The following KIAA0513 variants were observed in gnomAD, a reference collection of about 807,000 sequenced individuals.
KIAA0513 encodes the protein KIAA0513.
A neutral mutation model predicts 56.5 loss-of-function variants in KIAA0513; 39 were observed. The observed-to-expected ratio is 0.69, with a 90% CI of 0.53 to 0.90. The LOEUF is 0.90. KIAA0513 is among the 40% of genes least tolerant of loss of function. The probability of loss-of-function intolerance (pLI) is 0.00; values close to 1 mark genes in which losing one functional copy is unlikely to be tolerated. For synonymous variants in KIAA0513, 268 were observed against 215.6 expected (o/e 1.24, Z -2.13); for missense variants, 591 against 535.2 (o/e 1.10, Z -1.03).
chr16:85,040,835 C>T (rs2073095785), intron 1 of KIAA0513, among the ~76,000 whole-genome samples: 1 of 152,164 alleles, frequency 6.6e-6, no homozygotes, highest in Non-Finnish European at 1.5e-5. Context: ...GAAGCGTGTG[C>T]CTTGAGAACT....
Position 85,088,226 on chromosome 16 carries a change from G to A in KIAA0513, c.1187-50G>A, listed in dbSNP as rs1410458460. On this transcript the variant is annotated intron_variant, in intron 12 of 12. Coordinates refer to ENST00000683363, the MANE Select transcript of KIAA0513 (RefSeq NM_001388359.1). ...CGAGTGACAAGAGCAGGATATACCT[G>A]TCCCTGTCACTGTCTTTCATCTGAG... The A allele has an allele frequency of 9.6e-6, 15 of 1,558,120 alleles. No homozygotes were observed. The Admixed American group carries it at 2.5e-4, about 26-fold the overall frequency.
intron 1 of KIAA0513, among the ~76,000 whole-genome samples, chr16:85,044,440 C>T (rs757623830): frequency 3.1e-4 from 47 of 152,142 alleles, no homozygotes; most frequent in Admixed American, 4.6e-4. Flanking sequence ...GAAGTGAGGT[C>T]CCTGCTGTTC....
chr16:85,072,830 A>G (rs1425092391), intron 3 of KIAA0513, 95 bp from the exon 4 acceptor site: 8 of 1,236,708 alleles, frequency 6.5e-6, no homozygotes, highest in East Asian at 2.3e-5. Context: ...TCCCAGCTGC[A>G]TTTGGAAACA....
chr16:85,037,430 T>G (rs1224275410), intron 1 of KIAA0513, among the ~76,000 whole-genome samples: 1 of 152,062 alleles, frequency 6.6e-6, no homozygotes, highest in Non-Finnish European at 1.5e-5. Context: ...GGAAGCCTCA[T>G]GAGGGAAGAG....
chr16:85,072,780 G>A (rs2073596987), intron 3 of KIAA0513, 145 bp from the exon 4 acceptor site: 4 of 736,442 alleles, frequency 5.4e-6, no homozygotes, highest in Admixed American at 2.2e-5. Context: ...AGAAGGGGTG[G>A]GTTCTATAGT....
intron 2 of KIAA0513, among the ~76,000 whole-genome samples, chr16:85,071,046 A>G (rs1032653715): frequency 6.6e-6 from 1 of 152,260 alleles, no homozygotes; most frequent in Non-Finnish European, 1.5e-5. Context: ...GCATAAGCCA[A>G]GTGATCTTCA....
rs143531518 is a variant in KIAA0513, at chr16:85,031,288, C to T, written c.-173+3430C>T. 5.9e-5 allele frequency among the ~76,000 whole-genome samples: 9 copies of T among 152,164 alleles called. No homozygotes were observed. In the Middle Eastern group the frequency reaches 0.01, roughly 173 times the overall value. Reference sequence around the variant, plus strand: ...TTGAGCCCAGGAGTTCAAGATCAGCCTGGGCAACATGGCAAAACCCCGTCT... The same window carrying T: ...TTGAGCCCAGGAGTTCAAGATCAGCTTGGGCAACATGGCAAAACCCCGTCT... On this transcript the variant is annotated intron_variant, in intron 1 of 12. Coordinates refer to ENST00000683363, the MANE Select transcript of KIAA0513 (RefSeq NM_001388359.1).
chr16:85,057,159 C>G (rs2073341495), intron 1 of KIAA0513, among the ~76,000 whole-genome samples: 1 of 152,176 alleles, frequency 6.6e-6, no homozygotes, highest in Non-Finnish European at 1.5e-5. Context: ...TTTTCTTTGC[C>G]TCCTGGGTTA....
At chr16:85,045,968 A>G (rs1200016928) in intron 1 of KIAA0513, among the ~76,000 whole-genome samples, 1 of 152,044 alleles carries the variant, frequency 6.6e-6, no homozygotes, top group Non-Finnish European at 1.5e-5. Flanking sequence ...TGTGCATCTC[A>G]AAGGGACGAC....
rs1168906771 is a variant in KIAA0513, at chr16:85,092,964, C to T, written c.*4639C>T. The T allele has an allele frequency of 6.6e-6, 1 of 152,378 alleles. No individual in the cohort carries two copies. The highest frequency in any genetic ancestry group is 1.5e-5 in the Non-Finnish European group (1 of 68,168). The allele number at this position is 152,378 out of a possible 1,614,324, so 9.4% of individuals were successfully genotyped here. A position where few individuals can be genotyped will look rare whatever the true frequency, so the allele number is the denominator to read the frequency against. Reference sequence around the variant, plus strand: ...GCCCGGAAGCCGCCCTCCATACAGGCCCTCAGGGGGCCTGCCTTCTGCGCC... The same window carrying T: ...GCCCGGAAGCCGCCCTCCATACAGGTCCTCAGGGGGCCTGCCTTCTGCGCC... On this transcript the variant is annotated 3_prime_UTR_variant, in exon 13 of 13. Coordinates refer to ENST00000683363, the MANE Select transcript of KIAA0513 (RefSeq NM_001388359.1).
chr16:85,088,216 G>C (rs964296070), intron 12 of KIAA0513, 60 bp from the exon 13 acceptor site: 2 of 1,513,574 alleles, frequency 1.3e-6, no homozygotes, highest in South Asian at 1.1e-5. Context: ...GACAAGAGCA[G>C]GATATACCTG....
chr16:85,087,188 G>A lies in KIAA0513; in HGVS notation c.1186+22G>A, dbSNP rs777506626. On this transcript the variant is annotated intron_variant, in intron 12 of 12. Transcript: ENST00000683363. ...GAAGGTGCGTCTGGGGGAGGCTGCTGGCAGGAGGCGGGCAGGGCTGGGGTC... is the reference window on the plus strand; with the variant it reads ...GAAGGTGCGTCTGGGGGAGGCTGCTAGCAGGAGGCGGGCAGGGCTGGGGTC... 3.1e-6 allele frequency: 5 copies of A among 1,598,228 alleles called. No individual in the cohort carries two copies. In the South Asian group the frequency reaches 4.4e-5, roughly 14 times the overall value.
Position 85,076,527 on chromosome 16 carries a change from T to C in KIAA0513, c.574+613T>C, listed in dbSNP as rs2073658077. ...CAGGCCACCATAGGTGGGAGGTTGC[T>C]GGAAGCCTCCTCGTGGACTGGAGCT... On this transcript the variant is annotated intron_variant, in intron 5 of 12. Transcript: ENST00000683363. This position sits in a 1 kb window ranked among gnomAD's most constrained non-coding sequence, Gnocchi z 4.7. 6.6e-6 allele frequency among the ~76,000 whole-genome samples: 1 copy of C among 152,178 alleles called. No homozygotes were observed. The highest frequency in any genetic ancestry group is 1.5e-5 in the Non-Finnish European group (1 of 68,008).
At position 85,077,534 on chromosome 16, in the gene KIAA0513, G is replaced by A; in HGVS notation, c.684G>A (p.Glu228=). The change falls in exon 6 of 13, where the codon GAG becomes GAA. Residue 228 remains glutamate (E), a synonymous_variant. Transcript: ENST00000683363. ...TGGCCGAAAAGAAGGACATCGCCGA[G>A]CGGCTGCTGAAGAACACCTCGGCCA... ...SWLAEKKDIA[E]RLLKNTSART... is the part of the protein sequence containing the mutation. 1 of 1,614,202 alleles carries A rather than the reference G, an allele frequency of 6.2e-7. No homozygotes were observed. The highest frequency in any genetic ancestry group is 8.5e-7 in the Non-Finnish European group (1 of 1,180,036).
chr16:85,077,703 G>A, intron 6 of KIAA0513, 71 bp downstream of exon 6: 2 of 1,180,618 alleles, frequency 1.7e-6, no homozygotes, highest in Non-Finnish European at 2.4e-6. Context: ...CTCGGACGGG[G>A]GCAGCAGGGA....
intron 1 of KIAA0513, among the ~76,000 whole-genome samples, chr16:85,047,712 A>G (rs2073190999): frequency 6.6e-6 from 1 of 152,178 alleles, no homozygotes; most frequent in Admixed American, 6.5e-5. Flanking sequence ...CCACTGTCTC[A>G]GAACCAGGTG....
chr16:85,081,477 G>C lies in KIAA0513; in HGVS notation c.980+85G>C. 8.2e-7 allele frequency: 1 copy of C among 1,213,842 alleles called. No individual in the cohort carries two copies. Among genetic ancestry groups the C allele is most frequent in the South Asian group, 1.3e-5 (1 of 77,020 alleles). The allele number at this position is 1,213,842 out of a possible 1,614,324, so 75.2% of individuals were successfully genotyped here. On this transcript the variant is annotated intron_variant, in intron 9 of 12. Coordinates refer to ENST00000683363, the MANE Select transcript of KIAA0513 (RefSeq NM_001388359.1). This position sits in a 1 kb window ranked among gnomAD's most constrained non-coding sequence, Gnocchi z 4.4. ...TTCCCGGTTTCGGAAGAGGAGAGCA[G>C]AAGAGCAGCTGAGTGGACGTGTCTG...
intron 1 of KIAA0513, among the ~76,000 whole-genome samples, chr16:85,028,559 C>T (rs1209435510): frequency 6.6e-6 from 1 of 152,094 alleles, no homozygotes; most frequent in Non-Finnish European, 1.5e-5. Flanking sequence ...TAGAATTGAA[C>T]CCGTTTAGAG....
intron 1 of KIAA0513, among the ~76,000 whole-genome samples, chr16:85,055,883 C>G (rs1202430812): frequency 1.3e-5 from 2 of 152,224 alleles, no homozygotes; most frequent in Non-Finnish European, 2.9e-5. Flanking sequence ...TCCCAACAAG[C>G]GTGGGCTCTC....
Sources: gnomAD v4.1 joint callset for allele counts (sites outside exome capture counted in the v4.1 genomes callset) on GRCh38, gnomAD v4.1.1 for gene constraint, Gnocchi (gnomAD v3.1) non-coding constraint, MANE v1.5 for transcripts, NCBI Gene and HGNC (gene_info 2026-07-23, HGNC 2026-07-21) for gene names.